The following MAGI2 variants were observed in gnomAD, a reference collection of about 807,000 sequenced individuals.
MAGI2 encodes membrane-associated guanylate kinase, WW and PDZ domain-containing protein 2.
Under a neutral mutation model 133.3 loss-of-function variants are expected in MAGI2, and 35 were observed. The ratio of observed to expected loss-of-function variants is 0.26; its 90% CI spans 0.20 to 0.35. The LOEUF is 0.35. Ranked by LOEUF, MAGI2 falls within the 10% of genes least tolerant of loss-of-function variation. MAGI2 has a pLI of 1.00. For synonymous variants in MAGI2, 729 were observed against 710.6 expected, an observed-to-expected ratio of 1.03 and a Z score of -0.41; for missense variants, 1,636 against 1,863.4, an observed-to-expected ratio of 0.88 and a Z score of 2.25.
At chr7:79,073,964 C>T (rs558252679) in intron 1 of MAGI2, among the ~76,000 whole-genome samples, 1 of 152,106 alleles carries the variant, frequency 6.6e-6, no homozygotes, top group South Asian at 2.1e-4. Flanking sequence ...CAGAGACAAC[C>T]TCATAGATTT....
intron 14 of MAGI2, among the ~76,000 whole-genome samples, chr7:78,177,416 GCGCACA>G (rs1314910639): frequency 4.1e-5 from 3 of 73,680 alleles, no homozygotes; most frequent in Non-Finnish European, 9.1e-5. Context: ...CTGTGAATAC[GCGCACA>G]CACACACACA....
intron 2 of MAGI2, among the ~76,000 whole-genome samples, chr7:78,750,049 A>C (rs1420231465): frequency 6.6e-6 from 1 of 152,070 alleles, no homozygotes; most frequent in Non-Finnish European, 1.5e-5. Context: ...CAACCCCGAC[A>C]GGCCCTGGTA....
At chr7:78,291,735 T>C (rs966119303) in intron 9 of MAGI2, among the ~76,000 whole-genome samples, 3 of 152,152 alleles carry the variant, frequency 2.0e-5, no homozygotes, top group African/African-American at 7.2e-5. Flanking sequence ...TTCTCCACCA[T>C]GATCAAGTGG....
At chr7:79,344,907 T>C (rs752165251) in intron 1 of MAGI2, among the ~76,000 whole-genome samples, 11 of 152,080 alleles carry the variant, frequency 7.2e-5, no homozygotes, top group African/African-American at 1.2e-4. Flanking sequence ...TGGGTACTTG[T>C]GGAAAACAAT....
intron 3 of MAGI2, among the ~76,000 whole-genome samples, chr7:78,531,205 TATTA>T (rs1316663395): frequency 2.0e-5 from 3 of 150,854 alleles, no homozygotes; most frequent in Admixed American, 6.6e-5. Context: ...TTAATGTAAT[TATTA>T]ATTAAGTTTT....
At chr7:78,815,511 T>G (rs558855257) in intron 2 of MAGI2, among the ~76,000 whole-genome samples, 1 of 152,240 alleles carries the variant, frequency 6.6e-6, no homozygotes, top group Non-Finnish European at 1.5e-5. Flanking sequence ...TATTGTACTT[T>G]TTTTTTTACC....
chr7:79,402,717 T>G (rs2129163985), intron 1 of MAGI2, among the ~76,000 whole-genome samples: 1 of 152,268 alleles, frequency 6.6e-6, no homozygotes, highest in East Asian at 1.9e-4. Flanking sequence ...AACCTAGAAC[T>G]TTGGGAGGCT....
chr7:78,371,890 G>A (rs1446702446), intron 6 of MAGI2, among the ~76,000 whole-genome samples: 1 of 151,964 alleles, frequency 6.6e-6, no homozygotes, highest in Non-Finnish European at 1.5e-5. Flanking sequence ...CACACTTTGA[G>A]GCAAAATTAT....
intron 2 of MAGI2, among the ~76,000 whole-genome samples, chr7:78,655,031 C>A (rs1033996045): frequency 6.6e-6 from 1 of 151,584 alleles, no homozygotes; most frequent in Non-Finnish European, 1.5e-5. Context: ...GTGATAGAAA[C>A]CTCATTTACC....
intron 1 of MAGI2, among the ~76,000 whole-genome samples, chr7:79,186,791 G>GTA (rs71095385): frequency 0.69 from 85,745 of 124,078 alleles, 29,696 homozygotes; most frequent in Non-Finnish European, 0.79. Context: ...ACACACAAAA[G>GTA]TATATATATA....
At chr7:78,170,268 T>C (rs774862128) in intron 14 of MAGI2, 1 of 152,130 alleles carries the variant, frequency 6.6e-6, no homozygotes, top group Admixed American at 6.5e-5. Context: ...ATAGTAAAGA[T>C]GAAATTTCAC....
chr7:78,359,545 T>C (rs1792552755), intron 7 of MAGI2: 1 of 152,230 alleles, frequency 6.6e-6, no homozygotes, highest in Admixed American at 6.5e-5. Context: ...CTCATGTCTT[T>C]GGATATCAAG....
chr7:78,022,598 A>T (rs1260392269), intron 21 of MAGI2, among the ~76,000 whole-genome samples: 1 of 152,248 alleles, frequency 6.6e-6, no homozygotes, highest in Non-Finnish European at 1.5e-5. Flanking sequence ...GAAATGGGCA[A>T]GAACAGTGGC....
intron 2 of MAGI2, among the ~76,000 whole-genome samples, chr7:78,930,988 T>C (rs796268095): frequency 6.6e-6 from 1 of 152,122 alleles, no homozygotes; most frequent in African/African-American, 2.4e-5. Context: ...TTTAGGAGGA[T>C]GGAAAATATT....
chr7:79,028,247 A>ATGTG (rs1180077115), intron 1 of MAGI2, among the ~76,000 whole-genome samples: 3 of 46,926 alleles, frequency 6.4e-5, no homozygotes, highest in African/African-American at 2.5e-4. Context: ...ATATATATAT[A>ATGTG]TATATATATA....
At chr7:78,538,566 G>A (rs1285114527) in intron 3 of MAGI2, among the ~76,000 whole-genome samples, 1 of 152,128 alleles carries the variant, frequency 6.6e-6, no homozygotes, top group South Asian at 2.1e-4. Context: ...ATATTCCTAA[G>A]TTGCTATTAT....
intron 21 of MAGI2, among the ~76,000 whole-genome samples, chr7:78,076,874 A>T (rs1815380255): frequency 6.6e-6 from 1 of 151,358 alleles, no homozygotes; most frequent in Admixed American, 6.6e-5. Context: ...AAAAAAAAAA[A>T]AAAAAAGAAT....
intron 1 of MAGI2, among the ~76,000 whole-genome samples, chr7:79,044,460 A>G: frequency 6.6e-6 from 1 of 152,126 alleles, no homozygotes; most frequent in Non-Finnish European, 1.5e-5. Context: ...TCCATAAAAA[A>G]CCACAGCCAA....
chr7:78,312,647 T>A (rs561833718), intron 9 of MAGI2, among the ~76,000 whole-genome samples: 1 of 152,052 alleles, frequency 6.6e-6, no homozygotes, highest in Non-Finnish European at 1.5e-5. Context: ...AATGCAAATG[T>A]TGGTGAAGAC....
Sources: allele counts gnomAD v4.1 joint callset (sites outside exome capture counted in the v4.1 genomes callset), GRCh38; gene constraint gnomAD v4.1.1; transcripts MANE v1.5; gene names NCBI Gene and HGNC (gene_info 2026-07-23, HGNC 2026-07-21).